Variants in SMC5 observed in about 807,000 individuals in gnomAD.
SMC5 encodes the protein structural maintenance of chromosomes 5, also known as structural maintenance of chromosomes protein 5.
Under a neutral mutation model 148.3 loss-of-function variants are expected in SMC5, and 88 were observed. That is an observed-to-expected ratio of 0.59 (90% CI 0.50 to 0.71). The LOEUF (loss-of-function observed/expected upper bound fraction) is 0.71. SMC5 is among the 30% of genes least tolerant of loss of function. The pLI, the probability that SMC5 is intolerant of heterozygous loss-of-function variation, is 0.00. For synonymous variants in SMC5, 421 were observed against 432.8 expected (o/e 0.97, Z 0.34); for missense variants, 1,142 against 1,298.9 (o/e 0.88, Z 1.86).
intron 6 of SMC5, 90 bp downstream of exon 6, chr9:70,280,989 A>G (rs1267932380): frequency 3.5e-6 from 5 of 1,425,872 alleles, no homozygotes; most frequent in Non-Finnish European, 4.8e-6. Flanking sequence ...TATTCAAGTT[A>G]GGTGCTTCTT....
At chr9:70,326,870 G>A (rs555912470) in intron 17 of SMC5, among the ~76,000 whole-genome samples, 1 of 151,582 alleles carries the variant, frequency 6.6e-6, no homozygotes, top group East Asian at 1.9e-4. Flanking sequence ...AAAAAAAATT[G>A]CAAAAAAAAT....
At position 70,323,531 on chromosome 9, in the gene SMC5, A is replaced by G; in HGVS notation, c.2199A>G (p.Arg733=). The change falls in exon 16 of 25, where the codon CGA becomes CGG. Residue 733 remains arginine, a synonymous_variant. Coordinates refer to ENST00000361138, the MANE Select transcript of SMC5 (RefSeq NM_015110.4). ...QDTCNLEEEE[R]KASTKIKEIN... ...CTTGCAATCTTGAAGAGGAAGAGCG[A>G]AAAGCAAGTACCAAAATCAAAGAAA... The G allele has an allele frequency of 6.2e-7, 1 of 1,612,514 alleles. No homozygotes were observed. The highest frequency in any genetic ancestry group is 8.5e-7 in the Non-Finnish European group (1 of 1,179,610).
At chr9:70,261,983 C>T (rs1369728993) in intron 1 of SMC5, among the ~76,000 whole-genome samples, 12 of 152,008 alleles carry the variant, frequency 7.9e-5, no homozygotes, top group Admixed American at 2.0e-4. Context: ...CTTTGCAGGC[C>T]GGATGCAAAG....
chr9:70,272,284 C>T (rs1836093639), intron 3 of SMC5, among the ~76,000 whole-genome samples: 1 of 152,142 alleles, frequency 6.6e-6, no homozygotes, highest in African/African-American at 2.4e-5. Flanking sequence ...TAAGATGCCA[C>T]CACTTGTAGC....
chr9:70,330,444 G>A (rs114135880), intron 17 of SMC5, among the ~76,000 whole-genome samples: 60 of 151,986 alleles, frequency 3.9e-4, no homozygotes, highest in African/African-American at 1.3e-3. Flanking sequence ...ATAACACTGA[G>A]GAATACAGTC....
chr9:70,289,534 A>G (rs919332758), intron 8 of SMC5, among the ~76,000 whole-genome samples: 1 of 152,146 alleles, frequency 6.6e-6, no homozygotes, highest in Non-Finnish European at 1.5e-5. Flanking sequence ...ATTTGATGGC[A>G]AATAAAGGAG....
intron 17 of SMC5, among the ~76,000 whole-genome samples, chr9:70,332,885 C>A (rs1334185606): frequency 7.2e-5 from 11 of 152,018 alleles, no homozygotes; most frequent in Admixed American, 7.2e-4. Flanking sequence ...ATTCAGCATC[C>A]CTTCATTATA....
At chr9:70,334,104 C>T (rs1220783913) in intron 17 of SMC5, among the ~76,000 whole-genome samples, 1 of 150,582 alleles carries the variant, frequency 6.6e-6, no homozygotes, top group East Asian at 1.9e-4. Context: ...TCAAGACATC[C>T]ACATATTTAT....
At chr9:70,272,297 C>T (rs776094707) in intron 3 of SMC5, among the ~76,000 whole-genome samples, 1 of 152,130 alleles carries the variant, frequency 6.6e-6, no homozygotes, top group Non-Finnish European at 1.5e-5. Context: ...CTTGTAGCTT[C>T]CAATTAAAAT....
chr9:70,344,710 A>G (rs2118818588), intron 18 of SMC5: 1 of 152,190 alleles, frequency 6.6e-6, no homozygotes, highest in South Asian at 2.1e-4. Flanking sequence ...TTTCCATTAT[A>G]TTTTTTATCC....
Position 70,353,355 on chromosome 9 carries a change from GT to G in SMC5, c.*1028del, listed in dbSNP as rs1246920393. 6.6e-6 allele frequency: 1 copy of G among 152,010 alleles called. No individual in the cohort carries two copies. The highest frequency in any genetic ancestry group is 1.5e-5 in the Non-Finnish European group (1 of 67,964). The allele number at this position is 152,010 out of a possible 1,614,324, so 9.4% of individuals were successfully genotyped here. Reference sequence around the variant, plus strand: ...TATCTTAGAAAATCTAGTTTAAACTGTTTTCTTTCACCGCAAAAGAATTAAA... The same window carrying G: ...TATCTTAGAAAATCTAGTTTAAACTGTTTCTTTCACCGCAAAAGAATTAAA... On this transcript the variant is annotated 3_prime_UTR_variant, in exon 25 of 25. Transcript: ENST00000361138.
chr9:70,262,458 G>T (rs748572668), intron 1 of SMC5, among the ~76,000 whole-genome samples: 1 of 152,146 alleles, frequency 6.6e-6, no homozygotes, highest in Admixed American at 6.5e-5. Context: ...GGTGGTTTGG[G>T]TGGAGTCAAA....
intron 9 of SMC5, among the ~76,000 whole-genome samples, chr9:70,298,619 G>A (rs572395499): frequency 2.0e-5 from 3 of 151,772 alleles, no homozygotes; most frequent in East Asian, 1.9e-4. Flanking sequence ...CATGTGAATA[G>A]ATCTGTGGTA....
chr9:70,332,687 T>C (rs566952355), intron 17 of SMC5, among the ~76,000 whole-genome samples: 20 of 152,312 alleles, frequency 1.3e-4, no homozygotes, highest in Non-Finnish European at 2.5e-4. Flanking sequence ...CCAAAAATTC[T>C]TCATATAATG....
intron 17 of SMC5, among the ~76,000 whole-genome samples, chr9:70,331,419 CAGGG>C (rs2118715811): frequency 7.7e-6 from 1 of 130,236 alleles, no homozygotes; most frequent in Non-Finnish European, 1.7e-5. Flanking sequence ...TAGAAAAAAA[CAGGG>C]AGATTTGAAT....
intron 13 of SMC5, among the ~76,000 whole-genome samples, chr9:70,318,153 C>T (rs1004297843): frequency 2.0e-5 from 3 of 152,036 alleles, no homozygotes; most frequent in African/African-American, 4.8e-5. Context: ...AAGACCCAGG[C>T]GGGAGAATCT....
In SMC5 at chr9:70,296,570, A is replaced by T. The variant is rs375729343; in HGVS notation, c.1054-1396A>T. Among the ~76,000 whole-genome samples the T allele has an allele frequency of 9.2e-5, 14 of 151,530 alleles. No individual in the cohort carries two copies. The South Asian group carries it at 2.9e-3, about 32-fold the overall frequency. Reference sequence around the variant, plus strand: ...TCTGTCTCAAAAAAAAAAAAAAGGTAAAAGTTTAAGGACATTAAGATTATA... The same window carrying T: ...TCTGTCTCAAAAAAAAAAAAAAGGTTAAAGTTTAAGGACATTAAGATTATA... On this transcript the variant is annotated intron_variant, in intron 8 of 24. Coordinates refer to ENST00000361138, the MANE Select transcript of SMC5 (RefSeq NM_015110.4).
At chr9:70,347,014 T>G in intron 19 of SMC5, 52 bp from the exon 20 acceptor site, 1 of 1,337,336 alleles carries the variant, frequency 7.5e-7, no homozygotes, top group South Asian at 1.2e-5. Context: ...TTTAACTATT[T>G]GAATGGAACT....
At chr9:70,318,719 A>T (rs1283285189) in intron 14 of SMC5, 32 bp downstream of exon 14, 1 of 1,562,898 alleles carries the variant, frequency 6.4e-7, no homozygotes, top group East Asian at 2.3e-5. Flanking sequence ...GTTAGAAAAG[A>T]ATATTAACTG....
Sources: gnomAD v4.1 joint callset for allele counts (sites outside exome capture counted in the v4.1 genomes callset) on GRCh38, gnomAD v4.1.1 for gene constraint, MANE v1.5 for transcripts, NCBI Gene and HGNC (gene_info 2026-07-23, HGNC 2026-07-21) for gene names.